MLLT1: variants seen among roughly 807,000 people sequenced by gnomAD.
MLLT1 encodes MLLT1 super elongation complex subunit.
A neutral mutation model predicts 55.1 loss-of-function variants in MLLT1; 11 were observed. That is an observed-to-expected ratio of 0.20 (90% confidence interval 0.13 to 0.33). MLLT1 has a LOEUF of 0.33. Among genes scored for constraint, MLLT1 ranks in the 10% least tolerant of loss-of-function variants. The pLI, the probability that MLLT1 is intolerant of heterozygous loss-of-function variation, is 1.00. For missense variants in MLLT1, 536 were observed against 760.6 expected (o/e 0.70, Z 3.47); for synonymous variants, 323 against 320.1 (o/e 1.01, Z -0.10).
At position 6,219,743 on chromosome 19, in the gene MLLT1, G is replaced by A. The variant is rs2090877023; in HGVS notation, c.1111-1702C>T. On this transcript the variant is annotated intron_variant, in intron 6 of 11. Coordinates refer to ENST00000252674, the MANE Select transcript of MLLT1 (RefSeq NM_005934.4). This position sits in a 1 kb window ranked among gnomAD's most constrained non-coding sequence, Gnocchi z 4.5. ...ACTTTCTCACTAAAGGTGGAGAGGGGGCAGTTCAGGCGGCCAAAGGAGGCT... is the reference window on the plus strand; with the variant it reads ...ACTTTCTCACTAAAGGTGGAGAGGGAGCAGTTCAGGCGGCCAAAGGAGGCT... 6.6e-6 allele frequency among the ~76,000 whole-genome samples: 1 copy of A among 152,196 alleles called. No individual in the cohort carries two copies. Among genetic ancestry groups the A allele is most frequent in the African/African-American group, 2.4e-5 (1 of 41,440 alleles).
intron 3 of MLLT1, among the ~76,000 whole-genome samples, chr19:6,232,744 T>C (rs1190239137): frequency 6.6e-6 from 1 of 152,148 alleles, no homozygotes; most frequent in Non-Finnish European, 1.5e-5. Context: ...GGGTTTCTTT[T>C]GGGGGTGATG....
chr19:6,222,373 C>T lies in MLLT1; in HGVS notation c.858G>A (p.Arg286=). The T allele has an allele frequency of 7.0e-7, 1 of 1,429,100 alleles. No individual in the cohort carries two copies. The allele number at this position is 1,429,100 out of a possible 1,614,324, so 88.5% of individuals were successfully genotyped here. A position where few individuals can be genotyped will look rare whatever the true frequency, so the allele number is the denominator to read the frequency against. Residue 286 remains arginine, a synonymous_variant, in exon 6 of 12, where the codon CGG becomes CGA. Transcript: ENST00000252674. This position sits in a 1 kb window ranked among gnomAD's most constrained non-coding sequence, Gnocchi z 4.1. ...PPPPPRASSK[R]PATADSPKPS... is the part of the protein sequence containing the mutation. ...GCTTTGGCGAGTCGGCGGTGGCCGG[C>T]CGCTTGCTGGAAGCCCGGGGTGGGG...
At chr19:6,234,013 C>T (rs1426657785) in intron 3 of MLLT1, among the ~76,000 whole-genome samples, 1 of 150,552 alleles carries the variant, frequency 6.6e-6, no homozygotes, top group Non-Finnish European at 1.5e-5. Flanking sequence ...GAGTGAGATG[C>T]TAGGGCAGAC....
chr19:6,247,759 A>ATTC (rs1452307105), intron 3 of MLLT1, among the ~76,000 whole-genome samples: 1 of 152,232 alleles, frequency 6.6e-6, no homozygotes, highest in Non-Finnish European at 1.5e-5. Context: ...TGTCTGCATT[A>ATTC]TTCTTACTGG....
chr19:6,228,867 G>A (rs2090978953), intron 4 of MLLT1, among the ~76,000 whole-genome samples: 1 of 152,132 alleles, frequency 6.6e-6, no homozygotes, highest in African/African-American at 2.4e-5. Context: ...CCCAGCGCCT[G>A]GGGCAGAGAC....
chr19:6,239,650 C>T (rs921961043), intron 3 of MLLT1, among the ~76,000 whole-genome samples: 3 of 152,060 alleles, frequency 2.0e-5, no homozygotes, highest in East Asian at 1.9e-4. Context: ...CACTCATACA[C>T]GTCCATACTC....
chr19:6,279,532 G>A (rs1466026834), intron 1 of MLLT1, among the ~76,000 whole-genome samples: 2 of 151,914 alleles, frequency 1.3e-5, no homozygotes, highest in Non-Finnish European at 2.9e-5. Context: ...GGGTCACCAG[G>A]GGCGTCCCAA....
rs2091102381 is a variant in MLLT1 at position 6,240,237 on chromosome 19, CAT to C, written c.277-9526_277-9525del. 6.6e-6 allele frequency among the ~76,000 whole-genome samples: 1 copy of C among 152,250 alleles called. No individual in the cohort carries two copies. Among genetic ancestry groups the C allele is most frequent in the Admixed American group, 6.5e-5 (1 of 15,278 alleles). The stretch of plus-strand genomic sequence containing the variant: ...CCCAGAGGCCCCGCCCCCTCCCACA[CAT>C]GTGCTCAGGGCCTGCAGCCCCATGT... On this transcript the variant is annotated intron_variant, in intron 3 of 11. Coordinates refer to ENST00000252674, the MANE Select transcript of MLLT1 (RefSeq NM_005934.4). The surrounding 1 kb of genome is among the most constrained non-coding windows in gnomAD (Gnocchi z 4.7).
rs1367353305 is a variant in MLLT1, at chr19:6,231,676, T to G, written c.277-963A>C. 6.6e-6 allele frequency among the ~76,000 whole-genome samples: 1 copy of G among 151,978 alleles called. No individual in the cohort carries two copies. The highest frequency in any genetic ancestry group is 2.4e-5 in the African/African-American group (1 of 41,394). On this transcript the variant is annotated intron_variant, in intron 3 of 11. Transcript: ENST00000252674. This position sits in a 1 kb window ranked among gnomAD's most constrained non-coding sequence, Gnocchi z 5.1. ...GCCACCACGTCTGGCTAATTTTTTG[T>G]ATTTTCAGTAAAGACGGGGTTTCAC...
chr19:6,246,716 T>C (rs1236749574), intron 3 of MLLT1, among the ~76,000 whole-genome samples: 2 of 152,092 alleles, frequency 1.3e-5, no homozygotes, highest in East Asian at 1.9e-4. Context: ...TCTCTGCATG[T>C]TGAACCCAGA....
In MLLT1 at chr19:6,216,339, C is replaced by G. The variant is rs2090843071; in HGVS notation, c.1307+66G>C. ...AACCCCACCTGCAGCCCCACAATCA[C>G]TGCAGACCCAGCCGGAGTCGCCCCG... On this transcript the variant is annotated intron_variant, in intron 8 of 11. Coordinates refer to ENST00000252674, the MANE Select transcript of MLLT1 (RefSeq NM_005934.4). 6.6e-6 allele frequency: 8 copies of G among 1,203,298 alleles called. No homozygotes were observed. The South Asian group carries it at 1.0e-4, about 16-fold the overall frequency. 74.5% of individuals were successfully genotyped at this position (1,203,298 alleles called of 1,614,324 possible). A position where few individuals can be genotyped will look rare whatever the true frequency, so the allele number is the denominator to read the frequency against.
intron 3 of MLLT1, chr19:6,259,798 T>TCAAAAAAA (rs1268979440): frequency 1.9e-5 from 1 of 52,296 alleles, no homozygotes; most frequent in Admixed American, 1.8e-4. Context: ...GAAACATGAC[T>TCAAAAAAA]TAAAAAAAAA....
Position 6,213,930 on chromosome 19 carries a change from C to T in MLLT1, c.1407+9G>A. 1 of 1,462,212 alleles carries T rather than the reference C, an allele frequency of 6.8e-7. No individual in the cohort carries two copies. The highest frequency in any genetic ancestry group is 1.9e-4 in the Middle Eastern group (1 of 5,326). 90.6% of individuals were successfully genotyped at this position (1,462,212 alleles called of 1,614,324 possible). A position where few individuals can be genotyped will look rare whatever the true frequency, so the allele number is the denominator to read the frequency against. On this transcript the variant is annotated intron_variant, in intron 9 of 11. Transcript: ENST00000252674. ...TGGTGCACCCCCTGCCTGCAGGCCC[C>T]AGGCTCACCTTGCTGTTGGGCGGGG... is the stretch of plus-strand genomic sequence containing the variant.
At chr19:6,253,095 C>T (rs1345276147) in intron 3 of MLLT1, among the ~76,000 whole-genome samples, 2 of 151,200 alleles carry the variant, frequency 1.3e-5, no homozygotes, top group Non-Finnish European at 2.9e-5. Context: ...AACCCTGTCT[C>T]TACTAAAAAT....
At chr19:6,216,535 G>A in intron 7 of MLLT1, 22 bp from the exon 8 acceptor site, 1 of 1,520,196 alleles carries the variant, frequency 6.6e-7, no homozygotes, top group East Asian at 2.4e-5. Flanking sequence ...GGGCAGGGAG[G>A]GAGGGGAGAC....
At chr19:6,242,135 G>A (rs944133056) in intron 3 of MLLT1, among the ~76,000 whole-genome samples, 1 of 152,184 alleles carries the variant, frequency 6.6e-6, no homozygotes, top group Admixed American at 6.5e-5. Flanking sequence ...CTCAAGACCT[G>A]CTCTCCCCAG....
chr19:6,213,791 C>T lies in MLLT1; in HGVS notation c.1414G>A (p.Gly472Ser), dbSNP rs1278511485. The T allele has an allele frequency of 1.2e-6, 2 of 1,613,630 alleles. No homozygotes were observed. The highest frequency in any genetic ancestry group is 2.2e-5 in the East Asian group (1 of 44,850). Residue 472 changes from glycine to serine, a missense_variant, in exon 10 of 12, where the codon GGC (glycine) becomes AGC (serine). Transcript: ENST00000252674. ...CTGCAGGACTCGGGGCTCCTCCGGC[C>T]TGACACCTGCAGGGAACCCAGGTCT... Reference protein sequence around the residue: ...KPPPPNSKVSGRRSPESCSKP... With the variant: ...KPPPPNSKVSSRRSPESCSKP...
rs1439071098 is a variant in MLLT1 at position 6,219,202 on chromosome 19, G to C, written c.1111-1161C>G. On this transcript the variant is annotated intron_variant, in intron 6 of 11. Transcript: ENST00000252674. The surrounding 1 kb of genome is among the most constrained non-coding windows in gnomAD (Gnocchi z 4.5). Reference sequence around the variant, plus strand: ...GGTCCAGACTCACCCGTGCCTGAGAGGGAAGAGGGACTTCCCAAGGGTTTA... The same window carrying C: ...GGTCCAGACTCACCCGTGCCTGAGACGGAAGAGGGACTTCCCAAGGGTTTA... Among the ~76,000 whole-genome samples the C allele has an allele frequency of 6.6e-6, 1 of 152,158 alleles. No homozygotes were observed. The highest frequency in any genetic ancestry group is 2.4e-5 in the African/African-American group (1 of 41,434).
At chr19:6,220,140 G>A (rs2144855184) in intron 6 of MLLT1, among the ~76,000 whole-genome samples, 1 of 152,368 alleles carries the variant, frequency 6.6e-6, no homozygotes, top group East Asian at 1.9e-4. Context: ...GCGTGGGCCA[G>A]ACCCCAGCTG....
Sources: allele counts gnomAD v4.1 joint callset (sites outside exome capture counted in the v4.1 genomes callset), GRCh38; gene constraint gnomAD v4.1.1; non-coding constraint Gnocchi (gnomAD v3.1); transcripts MANE v1.5; gene names NCBI Gene and HGNC (gene_info 2026-07-23, HGNC 2026-07-21).